Variants in SH3RF3 observed in about 807,000 individuals in gnomAD.
SH3RF3 encodes the protein E3 ubiquitin-protein ligase SH3RF3.
SH3RF3 carries 29 observed loss-of-function variants against 66.3 expected under a neutral mutation model. The observed-to-expected ratio is 0.44, with a 90% CI of 0.33 to 0.60. The LOEUF (loss-of-function observed/expected upper bound fraction) is 0.60. Among genes scored for constraint, SH3RF3 ranks in the 20% least tolerant of loss-of-function variants. The probability of loss-of-function intolerance (pLI) is 0.04; values close to 1 mark genes in which losing one functional copy is unlikely to be tolerated. For synonymous variants in SH3RF3, 583 were observed against 532.0 expected, an observed-to-expected ratio of 1.10 and a Z score of -1.32; for missense variants, 1,194 against 1,190.9, an observed-to-expected ratio of 1.00 and a Z score of -0.04.
intron 1 of SH3RF3, among the ~76,000 whole-genome samples, chr2:109,290,239 CTCTT>C (rs1419976456): frequency 6.6e-6 from 1 of 152,208 alleles, no homozygotes; most frequent in Non-Finnish European, 1.5e-5. Flanking sequence ...ATCATTCCTT[CTCTT>C]TGTCAGTAAA....
chr2:109,235,686 A>G (rs1160343575), intron 1 of SH3RF3, among the ~76,000 whole-genome samples: 1 of 152,206 alleles, frequency 6.6e-6, no homozygotes, highest in Non-Finnish European at 1.5e-5. Flanking sequence ...CGTGTCTACC[A>G]ACATAAAGAT....
chr2:109,422,710 G>A (rs1676915196), intron 5 of SH3RF3, among the ~76,000 whole-genome samples: 1 of 152,212 alleles, frequency 6.6e-6, no homozygotes, highest in South Asian at 2.1e-4. Context: ...CCTGGGCACA[G>A]CCAACCCACC....
intron 1 of SH3RF3, among the ~76,000 whole-genome samples, chr2:109,333,007 G>A (rs533142097): frequency 1.3e-5 from 2 of 152,362 alleles, no homozygotes; most frequent in South Asian, 2.1e-4. Context: ...GCTGGGTCAT[G>A]TATTCGTCTT....
intron 9 of SH3RF3, among the ~76,000 whole-genome samples, chr2:109,497,650 A>C (rs183598364): frequency 1.2e-4 from 18 of 152,228 alleles, no homozygotes; most frequent in Non-Finnish European, 2.4e-4. Flanking sequence ...GGGAGTATCA[A>C]TTACTTTCCT....
chr2:109,420,592 C>G (rs1676849083), intron 5 of SH3RF3, among the ~76,000 whole-genome samples: 1 of 152,058 alleles, frequency 6.6e-6, no homozygotes, highest in African/African-American at 2.4e-5. Flanking sequence ...ACTACAGGTG[C>G]CAGCCACCAC....
intron 1 of SH3RF3, among the ~76,000 whole-genome samples, chr2:109,304,501 CT>C (rs1340567583): frequency 6.6e-6 from 1 of 152,170 alleles, no homozygotes; most frequent in Non-Finnish European, 1.5e-5. Context: ...CTTCCTGAGT[CT>C]CCTCTCTCCA....
chr2:109,331,862 C>G (rs893043812), intron 1 of SH3RF3, among the ~76,000 whole-genome samples: 4 of 152,094 alleles, frequency 2.6e-5, no homozygotes, highest in African/African-American at 9.7e-5. Flanking sequence ...CTGGGGTCTC[C>G]CCTGAGGAGA....
At chr2:109,288,367 CAG>C (rs1681087356) in intron 1 of SH3RF3, among the ~76,000 whole-genome samples, 1 of 152,188 alleles carries the variant, frequency 6.6e-6, no homozygotes, top group African/African-American at 2.4e-5. Flanking sequence ...CAGGAACACT[CAG>C]AGGTATTCTC....
chr2:109,465,742 A>G (rs971409023), intron 8 of SH3RF3, among the ~76,000 whole-genome samples: 2 of 152,182 alleles, frequency 1.3e-5, no homozygotes, highest in African/African-American at 4.8e-5. Flanking sequence ...GCGGAAGACA[A>G]AGAGGGAACA....
At chr2:109,159,430 G>C (rs1043755024) in intron 1 of SH3RF3, among the ~76,000 whole-genome samples, 4 of 152,254 alleles carry the variant, frequency 2.6e-5, no homozygotes, top group African/African-American at 9.6e-5. Flanking sequence ...TTCTGTAACG[G>C]AGGCCTCCTG....
At chr2:109,441,819 C>T (rs1397342450) in intron 7 of SH3RF3, among the ~76,000 whole-genome samples, 1 of 152,032 alleles carries the variant, frequency 6.6e-6, no homozygotes. Context: ...AGATACATTA[C>T]ATGAAATAGA....
chr2:109,454,488 C>T (rs1677980587), intron 8 of SH3RF3, among the ~76,000 whole-genome samples: 1 of 152,228 alleles, frequency 6.6e-6, no homozygotes, highest in African/African-American at 2.4e-5. Flanking sequence ...CTTGCTGTCC[C>T]TGTGCAGTTG....
At chr2:109,299,640 G>C (rs1371866306) in intron 1 of SH3RF3, among the ~76,000 whole-genome samples, 1 of 152,100 alleles carries the variant, frequency 6.6e-6, no homozygotes, top group African/African-American at 2.4e-5. Flanking sequence ...GAATTGTAAG[G>C]CCCTTCCTTT....
intron 1 of SH3RF3, among the ~76,000 whole-genome samples, chr2:109,169,710 A>G (rs1331558216): frequency 3.3e-5 from 5 of 151,340 alleles, no homozygotes; most frequent in African/African-American, 1.2e-4. Context: ...CTCTCTATAT[A>G]TATCTATATA....
chr2:109,229,104 A>G (rs1679439675), intron 1 of SH3RF3, among the ~76,000 whole-genome samples: 1 of 152,092 alleles, frequency 6.6e-6, no homozygotes, highest in Non-Finnish European at 1.5e-5. Flanking sequence ...CAAATATCAG[A>G]ACAAAAGATA....
At chr2:109,361,640 A>AT (rs1574597558) in intron 2 of SH3RF3, among the ~76,000 whole-genome samples, 2 of 152,026 alleles carry the variant, frequency 1.3e-5, no homozygotes, top group South Asian at 2.1e-4. Flanking sequence ...TGCCCGGCTA[A>AT]TTTTTTTGTA....
chr2:109,501,786 TGGCG>T lies in SH3RF3; in HGVS notation c.*118_*121del. 1.6e-6 allele frequency: 1 copy of T among 626,598 alleles called. No homozygotes were observed. Among genetic ancestry groups the T allele is most frequent in the Non-Finnish European group, 2.9e-6 (1 of 347,764 alleles). 38.8% of individuals were successfully genotyped at this position (626,598 alleles called of 1,614,324 possible). On this transcript the variant is annotated 3_prime_UTR_variant, in exon 10 of 10. Transcript: ENST00000309415. ...GGTTCCAGGTCATCTCCAAGGCACC[TGGCG>T]GGGGATACCCTGGCCCAGGGTGGGG...
chr2:109,179,110 TGAAATGTCATGGCAGCTGGAA>T (rs1264503647), intron 1 of SH3RF3, among the ~76,000 whole-genome samples: 2 of 151,772 alleles, frequency 1.3e-5, no homozygotes, highest in African/African-American at 4.8e-5. Flanking sequence ...GAAGAGTCTG[TGAAATGTCATGGCAGCTGGAA>T]GGAAACGAGT....
intron 1 of SH3RF3, among the ~76,000 whole-genome samples, chr2:109,138,221 G>C (rs1043220162): frequency 6.6e-6 from 1 of 152,130 alleles, no homozygotes; most frequent in Non-Finnish European, 1.5e-5. Context: ...TAGAGAGGGG[G>C]TTTCACCGTA....
Sources: gnomAD v4.1 joint callset for allele counts (sites outside exome capture counted in the v4.1 genomes callset) on GRCh38, gnomAD v4.1.1 for gene constraint, MANE v1.5 for transcripts, NCBI Gene and HGNC (gene_info 2026-07-23, HGNC 2026-07-21) for gene names.